The following EMP2 variants were observed in gnomAD, a reference collection of about 807,000 sequenced individuals.
The protein encoded by EMP2 is epithelial membrane protein 2.
A neutral mutation model predicts 13.7 loss-of-function variants in EMP2; 19 were observed. The ratio of observed to expected loss-of-function variants is 1.38; its 90% CI spans 0.97 to 2.03. The LOEUF is 2.03. Ranked by LOEUF, EMP2 falls within the 30% of genes most tolerant of loss-of-function variation. EMP2 has a pLI of 0.00. For missense variants in EMP2, 253 were observed against 220.7 expected (o/e 1.15, Z -0.93); for synonymous variants, 97 against 84.7 (o/e 1.15, Z -0.80).
rs1477511086 is a variant in EMP2, at chr16:10,580,286, C to G, written c.-61+263G>C. 1.3e-5 allele frequency among the ~76,000 whole-genome samples: 2 copies of G among 152,166 alleles called. No individual in the cohort carries two copies. Among genetic ancestry groups the G allele is most frequent in the African/African-American group, 4.8e-5 (2 of 41,438 alleles). ...GAGGGGAGGCGCCCTGACTCCTCCC[C>G]AAACTTTTCCCGCCTGCTTCGGCTC... On this transcript the variant is annotated intron_variant, in intron 1 of 4. Coordinates refer to ENST00000359543, the MANE Select transcript of EMP2 (RefSeq NM_001424.6). This position sits in a 1 kb window ranked among gnomAD's most constrained non-coding sequence, Gnocchi z 4.3.
rs1004622527 is a variant in EMP2 at position 10,547,683 on chromosome 16, G to A, written c.-60-6C>T. 3 of 1,515,030 alleles carry A rather than the reference G, an allele frequency of 2.0e-6. No homozygotes were observed. The highest frequency in any genetic ancestry group is 1.4e-5 in the African/African-American group (1 of 72,514). 93.8% of individuals were successfully genotyped at this position (1,515,030 alleles called of 1,614,324 possible). Reference sequence around the variant, plus strand: ...AAAGCCCAGAGCGGGATGTGCTGAAGAGGGTAAGAAAGAGAAATTCAAAAT... The same window carrying A: ...AAAGCCCAGAGCGGGATGTGCTGAAAAGGGTAAGAAAGAGAAATTCAAAAT... On this transcript the variant is annotated splice_region_variant and splice_polypyrimidine_tract_variant and intron_variant, in intron 1 of 4. Transcript: ENST00000359543.
chr16:10,553,282 G>GCCTCCTTCCA (rs2050801793), intron 1 of EMP2, among the ~76,000 whole-genome samples: 2 of 152,330 alleles, frequency 1.3e-5, no homozygotes, highest in African/African-American at 4.8e-5. Context: ...AGTTTCCTGT[G>GCCTCCTTCCA]CCTCCTTCCA....
chr16:10,579,199 G>A (rs2051004900), intron 1 of EMP2, among the ~76,000 whole-genome samples: 1 of 152,116 alleles, frequency 6.6e-6, no homozygotes, highest in African/African-American at 2.4e-5. Context: ...TTCCCCTTGT[G>A]TGACTCCTGG....
At position 10,532,972 on chromosome 16, in the gene EMP2, G is replaced by T. The variant is rs764133828; in HGVS notation, c.437C>A (p.Ala146Glu). 6.2e-7 allele frequency: 1 copy of T among 1,610,624 alleles called. No homozygotes were observed. Among genetic ancestry groups the T allele is most frequent in the Middle Eastern group, 1.7e-4 (1 of 6,012 alleles). ...GAAGGTGCAGGCGAAGGCCACCCAC[G>T]CCAGGATGTAGGAGTAGCCGTAGCT... The part of the protein sequence containing the change: ...EGSYGYSYIL[A>E]WVAFACTFIS... The change falls in exon 5 of 5, where the codon GCG becomes GAG. Residue 146 changes from alanine to glutamate, a missense_variant. By Grantham distance (107) the Ala-to-Glu change is moderately radical. Coordinates refer to ENST00000359543, the MANE Select transcript of EMP2 (RefSeq NM_001424.6).
intron 1 of EMP2, among the ~76,000 whole-genome samples, chr16:10,570,966 T>A (rs1310383083): frequency 6.6e-6 from 1 of 151,058 alleles, no homozygotes; most frequent in African/African-American, 2.4e-5. Context: ...GGATTAAGAG[T>A]TGCAGGAACT....
chr16:10,573,206 T>G (rs2050959746), intron 1 of EMP2, among the ~76,000 whole-genome samples: 1 of 152,120 alleles, frequency 6.6e-6, no homozygotes, highest in African/African-American at 2.4e-5. Flanking sequence ...TGTGTCACCA[T>G]GCCTGGCTAA....
chr16:10,539,578 G>A (rs1439227303), intron 3 of EMP2, among the ~76,000 whole-genome samples: 1 of 152,152 alleles, frequency 6.6e-6, no homozygotes, highest in Non-Finnish European at 1.5e-5. Context: ...GGGGGCCCGA[G>A]GAACTTTCTG....
chr16:10,550,805 T>C (rs1397709843), intron 1 of EMP2, among the ~76,000 whole-genome samples: 1 of 152,100 alleles, frequency 6.6e-6, no homozygotes, highest in Non-Finnish European at 1.5e-5. Context: ...TGAAACCCTG[T>C]CTCTACTAAA....
At chr16:10,548,360 A>G (rs1596373604) in intron 1 of EMP2, among the ~76,000 whole-genome samples, 1 of 152,180 alleles carries the variant, frequency 6.6e-6, no homozygotes, top group African/African-American at 2.4e-5. Flanking sequence ...AAGTGATCAC[A>G]ATACAGAAAT....
intron 2 of EMP2, chr16:10,544,882 C>CACAA (rs1372678226): frequency 4.6e-5 from 7 of 152,284 alleles, no homozygotes; most frequent in South Asian, 2.1e-4. Context: ...GAGACCCTGT[C>CACAA]ACAAACAAAC....
intron 4 of EMP2, among the ~76,000 whole-genome samples, chr16:10,537,579 G>C (rs995094744): frequency 6.6e-6 from 1 of 152,128 alleles, no homozygotes; most frequent in Admixed American, 6.5e-5. Context: ...CCGTCATGCT[G>C]TTCCCTCTAC....
Position 10,533,093 on chromosome 16 carries a change from C to T in EMP2, c.317-1G>A. The T allele has an allele frequency of 6.4e-7, 1 of 1,559,072 alleles. No individual in the cohort carries two copies. Among genetic ancestry groups the T allele is most frequent in the South Asian group, 1.2e-5 (1 of 82,872 alleles). ...GAGGCCGCAATCATGACACACAGAC[C>T]TGTCAGGAAGAAAGGTGAATTTTCA... On this transcript the variant is annotated splice_acceptor_variant, in intron 4 of 4. Transcript: ENST00000359543. LOFTEE classifies it high-confidence loss of function.
chr16:10,544,768 C>G (rs1345316663), intron 2 of EMP2: 5 of 152,152 alleles, frequency 3.3e-5, no homozygotes, highest in Non-Finnish European at 7.3e-5. Context: ...GACTGTAGTC[C>G]CAGCTACTCA....
At chr16:10,559,793 A>T (rs1596378372) in intron 1 of EMP2, among the ~76,000 whole-genome samples, 1 of 151,758 alleles carries the variant, frequency 6.6e-6, no homozygotes, top group African/African-American at 2.4e-5. Context: ...TCCTGCCTCA[A>T]CCTCCCAAGT....
At chr16:10,571,571 G>T (rs1218729866) in intron 1 of EMP2, among the ~76,000 whole-genome samples, 1 of 152,192 alleles carries the variant, frequency 6.6e-6, no homozygotes, top group African/African-American at 2.4e-5. Flanking sequence ...AGGAGCAGTT[G>T]AAACTACTGA....
Position 10,528,843 on chromosome 16 carries a change from C to G in EMP2, c.*4062G>C, listed in dbSNP as rs1654204768. 6.6e-6 allele frequency: 1 copy of G among 152,220 alleles called. No homozygotes were observed. The highest frequency in any genetic ancestry group is 6.5e-5 in the Admixed American group (1 of 15,280). 9.4% of individuals were successfully genotyped at this position (152,220 alleles called of 1,614,324 possible). ...TTTTAAACTACGATACAGTTTCTATCTAGGCCACTGTGTTTAGTGTGTTTA... is the reference window on the plus strand; with the variant it reads ...TTTTAAACTACGATACAGTTTCTATGTAGGCCACTGTGTTTAGTGTGTTTA... On this transcript the variant is annotated 3_prime_UTR_variant, in exon 5 of 5. Transcript: ENST00000359543.
chr16:10,575,758 A>G (rs745872369), intron 1 of EMP2, among the ~76,000 whole-genome samples: 43 of 152,120 alleles, frequency 2.8e-4, no homozygotes, highest in Admixed American at 2.1e-3. Context: ...ATGTGCATCA[A>G]TATATCATCT....
intron 1 of EMP2, among the ~76,000 whole-genome samples, chr16:10,566,862 A>C (rs74393372): frequency 5.9e-5 from 9 of 152,226 alleles, no homozygotes; most frequent in African/African-American, 2.2e-4. Flanking sequence ...CTAAAAAAAA[A>C]CTGTCAGGTT....
intron 4 of EMP2, among the ~76,000 whole-genome samples, chr16:10,536,761 C>T (rs1306990543): frequency 2.0e-5 from 3 of 152,322 alleles, no homozygotes; most frequent in Non-Finnish European, 4.4e-5. Flanking sequence ...GCTGGGACTA[C>T]AGGTGTGCTC....
Sources: allele counts gnomAD v4.1 joint callset (sites outside exome capture counted in the v4.1 genomes callset), GRCh38; gene constraint gnomAD v4.1.1; non-coding constraint Gnocchi (gnomAD v3.1); transcripts MANE v1.5; gene names NCBI Gene and HGNC (gene_info 2026-07-23, HGNC 2026-07-21).